The following MDM2 variants were observed in gnomAD, a reference collection of about 807,000 sequenced individuals.
The protein encoded by MDM2 is MDM2 proto-oncogene, also known as E3 ubiquitin-protein ligase Mdm2.
Under a neutral mutation model 64.3 loss-of-function variants are expected in MDM2, and 11 were observed. The ratio of observed to expected loss-of-function variants is 0.17; its 90% CI spans 0.11 to 0.28. The LOEUF (loss-of-function observed/expected upper bound fraction) is 0.28. Among genes scored for constraint, MDM2 ranks in the 10% least tolerant of loss-of-function variants. MDM2 has a pLI of 1.00. For missense variants in MDM2, 388 were observed against 577.1 expected (o/e 0.67, Z 3.36); for synonymous variants, 194 against 192.9 (o/e 1.01, Z -0.05).
In MDM2 at chr12:68,828,471, G is replaced by C. The variant is rs1481625591; in HGVS notation, c.524-300G>C. 1.1e-5 allele frequency: 3 copies of C among 261,198 alleles called. No homozygotes were observed. The East Asian group carries it at 2.4e-4, about 21-fold the overall frequency. The allele number at this position is 261,198 out of a possible 1,614,324, so 16.2% of individuals were successfully genotyped here. A position where few individuals can be genotyped will look rare whatever the true frequency, so the allele number is the denominator to read the frequency against. ...TGGTACCAGCTACTCGGGAGGCTGA[G>C]GTTGAGGTGGGAGGATCACTTGAGC... On this transcript the variant is annotated intron_variant, in intron 7 of 10. Coordinates refer to ENST00000258149, the MANE Select transcript of MDM2 (RefSeq NM_002392.6).
intron 2 of MDM2, among the ~76,000 whole-genome samples, chr12:68,810,322 AAG>A (rs1389900345): frequency 1.8e-4 from 27 of 151,244 alleles, no homozygotes; most frequent in African/African-American, 6.1e-4. Context: ...AAAAAAAAAA[AAG>A]AAAAGAAAAA....
downstream of MDM2, chr12:68,847,196 T>TTTTATATATATATATATATATATA (rs1884365281): frequency 2.1e-4 from 19 of 92,058 alleles, no homozygotes; most frequent in Admixed American, 7.9e-4. Context: ...TGTGTGTACA[T>TTTTATATATATATATATATATATA]TATATATATA....
rs1372878342 is a variant in MDM2, at chr12:68,844,689, G to A, written c.*4840G>A. 9.0e-6 allele frequency: 2 copies of A among 222,828 alleles called. No individual in the cohort carries two copies. The highest frequency in any genetic ancestry group is 4.5e-5 in the African/African-American group (2 of 44,706). The allele number at this position is 222,828 out of a possible 1,614,324, so 13.8% of individuals were successfully genotyped here. On this transcript the variant is annotated 3_prime_UTR_variant, in exon 11 of 11. Transcript: ENST00000258149. ...ACTGGCTTTAAAGCAGGAGCTTGTGGGCCCCTAAGCCAGACGGGGACTAGC... is the reference window on the plus strand; with the variant it reads ...ACTGGCTTTAAAGCAGGAGCTTGTGAGCCCCTAAGCCAGACGGGGACTAGC...
intron 7 of MDM2, 68 bp from the exon 8 acceptor site, chr12:68,828,703 G>C: frequency 2.2e-6 from 3 of 1,372,696 alleles, no homozygotes; most frequent in South Asian, 2.5e-5. Flanking sequence ...TGTACAAATA[G>C]GTACTCAAAA....
chr12:68,818,563 CATATA>C (rs754578340), intron 4 of MDM2, among the ~76,000 whole-genome samples: 41 of 147,658 alleles, frequency 2.8e-4, no homozygotes, highest in East Asian at 5.8e-4. Flanking sequence ...TTATAATATA[CATATA>C]ATATAATTAT....
intron 1 of MDM2, among the ~76,000 whole-genome samples, 177 bp downstream of exon 1, chr12:68,808,668 G>A (rs1880580359): frequency 6.6e-6 from 1 of 151,758 alleles, no homozygotes; most frequent in Non-Finnish European, 1.5e-5. Flanking sequence ...TTGGACTGGG[G>A]CTAGGCAGTC....
At chr12:68,820,793 A>G (rs1351349469) in intron 5 of MDM2, among the ~76,000 whole-genome samples, 1 of 152,184 alleles carries the variant, frequency 6.6e-6, no homozygotes, top group African/African-American at 2.4e-5. Flanking sequence ...TGGAAGTGGA[A>G]TTTTATGTTC....
intron 7 of MDM2, among the ~76,000 whole-genome samples, chr12:68,827,736 T>C (rs1882457870): frequency 6.6e-6 from 1 of 152,236 alleles, no homozygotes; most frequent in Non-Finnish European, 1.5e-5. Flanking sequence ...TTCTCATTTA[T>C]GTCTAACGGA....
In MDM2 at chr12:68,809,085, A is replaced by G. The variant is rs563323306; in HGVS notation, c.15-123A>G. 55 of 1,513,130 alleles carry G rather than the reference A, an allele frequency of 3.6e-5. No homozygotes were observed. The East Asian group carries it at 1.2e-3, about 33-fold the overall frequency. The allele number at this position is 1,513,130 out of a possible 1,614,324, so 93.7% of individuals were successfully genotyped here. A position where few individuals can be genotyped will look rare whatever the true frequency, so the allele number is the denominator to read the frequency against. ...CACGCCACTTTTTCTCTGCTGATCCAGGTAAGCACCGACTTGCTTGTAGCT... is the reference window on the plus strand; with the variant it reads ...CACGCCACTTTTTCTCTGCTGATCCGGGTAAGCACCGACTTGCTTGTAGCT... On this transcript the variant is annotated intron_variant, in intron 1 of 10. Coordinates refer to ENST00000258149, the MANE Select transcript of MDM2 (RefSeq NM_002392.6).
chr12:68,826,811 A>G (rs756955151), intron 7 of MDM2, among the ~76,000 whole-genome samples: 59 of 152,118 alleles, frequency 3.9e-4, no homozygotes, highest in Admixed American at 1.7e-3. Flanking sequence ...CCCGGCCAAG[A>G]TCACCTTTTT....
At position 68,808,440 on chromosome 12, in the gene MDM2, T is replaced by C; in HGVS notation, c.-38T>C. ...GCGCCCCGTGAAGGAAACTGGGGAGTCTTGAGGGACCCCCGACTCCAAGCG... is the reference window on the plus strand; with the variant it reads ...GCGCCCCGTGAAGGAAACTGGGGAGCCTTGAGGGACCCCCGACTCCAAGCG... On this transcript the variant is annotated 5_prime_UTR_variant, in exon 1 of 11. Transcript: ENST00000258149. The C allele has an allele frequency of 6.2e-7, 1 of 1,612,540 alleles. No individual in the cohort carries two copies. Among genetic ancestry groups the C allele is most frequent in the Non-Finnish European group, 8.5e-7 (1 of 1,179,688 alleles).
chr12:68,848,904 GGTTTCA>G (rs1216780125), downstream of MDM2: 1 of 151,882 alleles, frequency 6.6e-6, no homozygotes, highest in Non-Finnish European at 1.5e-5. Context: ...ATAGAGGCAG[GGTTTCA>G]CTATATTGGC....
chr12:68,826,572 C>G (rs556848817), intron 7 of MDM2, among the ~76,000 whole-genome samples: 2 of 146,694 alleles, frequency 1.4e-5, no homozygotes, highest in Admixed American at 1.4e-4. Context: ...TCGCTTGAAC[C>G]TGGGATGTGG....
chr12:68,822,361 T>TC, intron 5 of MDM2, among the ~76,000 whole-genome samples: 1 of 95,292 alleles, frequency 1.0e-5, no homozygotes, highest in Non-Finnish European at 2.1e-5. Context: ...CATTTTATTG[T>TC]TTTAAAGCTC....
intron 4 of MDM2, among the ~76,000 whole-genome samples, chr12:68,819,950 C>T (rs1202295069): frequency 1.3e-5 from 2 of 152,002 alleles, no homozygotes; most frequent in African/African-American, 2.4e-5. Context: ...TTTTTTTTGG[C>T]AGTTTGCTAC....
intron 5 of MDM2, among the ~76,000 whole-genome samples, chr12:68,822,985 C>T (rs1343509143): frequency 2.0e-5 from 3 of 152,320 alleles, no homozygotes; most frequent in Admixed American, 2.0e-4. Context: ...AGGTGATCCT[C>T]CCACCTTGGC....
chr12:68,849,708 G>C (rs1592620351), downstream of MDM2: 2 of 147,984 alleles, frequency 1.4e-5, no homozygotes, highest in Non-Finnish European at 3.0e-5. Context: ...TTGAACTCCT[G>C]ACCTCGTGAT....
chr12:68,839,369 A>G lies in MDM2; in HGVS notation c.1014A>G (p.Glu338=). ...CWALRENWLP[E]DKGKDKGEIS... ...CCCTTCGTGAGAATTGGCTTCCTGA[A>G]GATAAAGGGAAAGATAAAGGGGAAA... Residue 338 remains glutamate (E), a synonymous_variant, in exon 11 of 11, where the codon GAA becomes GAG. Transcript: ENST00000258149. The G allele has an allele frequency of 6.2e-7, 1 of 1,613,948 alleles. No individual in the cohort carries two copies. Among genetic ancestry groups the G allele is most frequent in the Non-Finnish European group, 8.5e-7 (1 of 1,180,014 alleles).
chr12:68,818,960 G>T (rs1881623748), intron 4 of MDM2, among the ~76,000 whole-genome samples: 1 of 152,034 alleles, frequency 6.6e-6, no homozygotes, highest in Admixed American at 6.6e-5. Flanking sequence ...TCGAACTCCT[G>T]ACTTCAAGTG....
Sources: gnomAD v4.1 joint callset for allele counts (sites outside exome capture counted in the v4.1 genomes callset) on GRCh38, gnomAD v4.1.1 for gene constraint, MANE v1.5 for transcripts, NCBI Gene and HGNC (gene_info 2026-07-23, HGNC 2026-07-21) for gene names.